SLC25A13: variants seen among roughly 807,000 people sequenced by gnomAD.
The protein encoded by SLC25A13 is electrogenic aspartate/glutamate antiporter SLC25A13, mitochondrial.
Under a neutral mutation model 85.5 loss-of-function variants are expected in SLC25A13, and 70 were observed. The ratio of observed to expected loss-of-function variants is 0.82; its 90% CI spans 0.68 to 1.00. The LOEUF is 1.00. Among genes scored for constraint, SLC25A13 ranks in the 50% least tolerant of loss-of-function variants. The probability of loss-of-function intolerance (pLI) is 0.00; values close to 1 mark genes in which losing one functional copy is unlikely to be tolerated. For missense variants in SLC25A13, 765 were observed against 819.8 expected, an observed-to-expected ratio of 0.93 and a Z score of 0.82; for synonymous variants, 259 against 288.7, an observed-to-expected ratio of 0.90 and a Z score of 1.04.
intron 11 of SLC25A13, among the ~76,000 whole-genome samples, chr7:96,175,645 T>C (rs963640683): frequency 1.3e-5 from 2 of 152,218 alleles, no homozygotes; most frequent in Admixed American, 6.5e-5. Flanking sequence ...GCTGCACAAC[T>C]TCTCTCCCAG....
intron 1 of SLC25A13, 86 bp downstream of exon 1, chr7:96,321,856 A>C: frequency 4.9e-6 from 7 of 1,439,448 alleles, no homozygotes; most frequent in Non-Finnish European, 6.4e-6. Context: ...CTGTGGCACC[A>C]ACCCAGACAC....
chr7:96,266,334 T>A (rs968848653), intron 3 of SLC25A13, among the ~76,000 whole-genome samples: 2 of 152,224 alleles, frequency 1.3e-5, no homozygotes, highest in African/African-American at 4.8e-5. Context: ...TGCTCCAGAA[T>A]GTCTTTCCTT....
At chr7:96,292,650 G>A (rs1293928900) in intron 2 of SLC25A13, among the ~76,000 whole-genome samples, 2 of 152,164 alleles carry the variant, frequency 1.3e-5, no homozygotes, top group Non-Finnish European at 2.9e-5. Flanking sequence ...CAAACAGAGA[G>A]CCAAATCATG....
intron 4 of SLC25A13, among the ~76,000 whole-genome samples, chr7:96,223,945 C>A (rs979585956): frequency 6.6e-6 from 1 of 152,028 alleles, no homozygotes; most frequent in Non-Finnish European, 1.5e-5. Context: ...GGTATATATG[C>A]CAAATAGTTC....
intron 3 of SLC25A13, among the ~76,000 whole-genome samples, chr7:96,238,694 C>A (rs1008088041): frequency 2.0e-5 from 3 of 152,068 alleles, no homozygotes; most frequent in African/African-American, 4.8e-5. Context: ...GCTTCCCAGT[C>A]GCCACGCCTC....
At chr7:96,161,699 G>A (rs890353028) in intron 13 of SLC25A13, among the ~76,000 whole-genome samples, 1 of 152,176 alleles carries the variant, frequency 6.6e-6, no homozygotes, top group African/African-American at 2.4e-5. Context: ...GACAAAGACA[G>A]CAGGTCATAT....
intron 2 of SLC25A13, 99 bp downstream of exon 2, chr7:96,296,799 C>G: frequency 3.1e-6 from 4 of 1,297,770 alleles, no homozygotes; most frequent in Non-Finnish European, 4.4e-6. Flanking sequence ...GGGACTTTTT[C>G]AAAATATAAC....
intron 12 of SLC25A13, among the ~76,000 whole-genome samples, chr7:96,170,534 C>G (rs764192875): frequency 1.3e-5 from 2 of 152,164 alleles, no homozygotes; most frequent in Non-Finnish European, 2.9e-5. Context: ...CAGTACTCAT[C>G]ATGGAGATAA....
intron 11 of SLC25A13, among the ~76,000 whole-genome samples, chr7:96,177,242 A>G (rs1422926175): frequency 6.6e-6 from 1 of 152,232 alleles, no homozygotes; most frequent in Non-Finnish European, 1.5e-5. Context: ...GCTGTCCCCA[A>G]GCAGTGAGAG....
chr7:96,247,911 T>G (rs144743622), intron 3 of SLC25A13, among the ~76,000 whole-genome samples: 2 of 151,354 alleles, frequency 1.3e-5, no homozygotes, highest in African/African-American at 4.9e-5. Flanking sequence ...ATATATAGTT[T>G]ATACAGGGTG....
intron 1 of SLC25A13, among the ~76,000 whole-genome samples, chr7:96,302,141 G>A (rs1799570264): frequency 6.6e-6 from 1 of 152,140 alleles, no homozygotes; most frequent in African/African-American, 2.4e-5. Flanking sequence ...AATAGCGTTT[G>A]CAAAACACAT....
At chr7:96,193,207 C>T (rs747835244) in intron 5 of SLC25A13, 24 bp from the exon 6 acceptor site, 10 of 1,612,828 alleles carry the variant, frequency 6.2e-6, no homozygotes, top group Non-Finnish European at 7.6e-6. Flanking sequence ...AAGTAAAATA[C>T]TTAATTTATG....
chr7:96,127,880 C>A (rs981592863), intron 15 of SLC25A13, among the ~76,000 whole-genome samples: 1 of 152,162 alleles, frequency 6.6e-6, no homozygotes, highest in Non-Finnish European at 1.5e-5. Context: ...TACCATGTAT[C>A]CTCTCCCTAA....
intron 3 of SLC25A13, among the ~76,000 whole-genome samples, chr7:96,258,810 A>T (rs1797738230): frequency 6.6e-6 from 1 of 152,228 alleles, no homozygotes; most frequent in African/African-American, 2.4e-5. Flanking sequence ...CCTGACTTCA[A>T]ACTACACTAT....
intron 11 of SLC25A13, among the ~76,000 whole-genome samples, chr7:96,177,250 G>A (rs569509828): frequency 2.6e-5 from 4 of 152,188 alleles, no homozygotes; most frequent in Non-Finnish European, 4.4e-5. Context: ...CAAGCAGTGA[G>A]AGCACATGTG....
At chr7:96,300,499 A>G (rs1187169408) in intron 1 of SLC25A13, among the ~76,000 whole-genome samples, 1 of 152,218 alleles carries the variant, frequency 6.6e-6, no homozygotes, top group African/African-American at 2.4e-5. Flanking sequence ...TATTTATCCA[A>G]AGATGTTTAT....
At chr7:96,123,328 C>T (rs1237999595) in intron 15 of SLC25A13, among the ~76,000 whole-genome samples, 1 of 152,090 alleles carries the variant, frequency 6.6e-6, no homozygotes, top group Non-Finnish European at 1.5e-5. Flanking sequence ...TTCACACCAC[C>T]GATTTTGTTT....
chr7:96,165,223 G>A (rs1793694619), intron 13 of SLC25A13, among the ~76,000 whole-genome samples: 1 of 152,136 alleles, frequency 6.6e-6, no homozygotes, highest in African/African-American at 2.4e-5. Context: ...TTTGAAGGTG[G>A]TAAGAACCAT....
chr7:96,126,077 T>C (rs1185791311), intron 15 of SLC25A13, among the ~76,000 whole-genome samples: 2 of 152,112 alleles, frequency 1.3e-5, no homozygotes, highest in Non-Finnish European at 2.9e-5. Flanking sequence ...GTTCAAAGGA[T>C]AGGCTGATTA....
Sources: allele counts gnomAD v4.1 joint callset (sites outside exome capture counted in the v4.1 genomes callset), GRCh38; gene constraint gnomAD v4.1.1; transcripts MANE v1.5; gene names NCBI Gene and HGNC (gene_info 2026-07-23, HGNC 2026-07-21).